The following ERICH1 variants were observed in gnomAD, a reference collection of about 807,000 sequenced individuals.
ERICH1 encodes glutamate rich 1.
ERICH1 carries 56 observed loss-of-function variants against 39.6 expected under a neutral mutation model. That is an observed-to-expected ratio of 1.41 (90% CI 1.14 to 1.77). The LOEUF is 1.77. ERICH1 is among the 40% of genes most tolerant of loss of function. ERICH1 has a pLI of 0.00. For missense variants in ERICH1, 826 were observed against 575.4 expected (o/e 1.44, Z -4.45); for synonymous variants, 313 against 223.6 (o/e 1.40, Z -3.57).
intron 4 of ERICH1, 48 bp downstream of exon 4, chr8:673,240 AC>A: frequency 1.3e-6 from 2 of 1,523,360 alleles, no homozygotes; most frequent in Non-Finnish European, 1.8e-6. Context: ...CTTTTAATAA[AC>A]TTTTAAGTGG....
intron 3 of ERICH1, among the ~76,000 whole-genome samples, chr8:639,095 C>G (rs1300516051): frequency 6.6e-6 from 1 of 152,182 alleles, no homozygotes; most frequent in Non-Finnish European, 1.5e-5. Context: ...ATGAATGTCC[C>G]CAGCGTGGCC....
chr8:728,834 A>G (rs1281248382), intron 1 of ERICH1, among the ~76,000 whole-genome samples: 5 of 152,204 alleles, frequency 3.3e-5, no homozygotes, highest in African/African-American at 1.2e-4. Flanking sequence ...CATTCTTCTC[A>G]TTAATCCTGC....
chr8:668,669 A>G lies in ERICH1; in HGVS notation c.1187T>C (p.Leu396Pro). 2.5e-6 allele frequency: 4 copies of G among 1,614,206 alleles called. No individual in the cohort carries two copies. The highest frequency in any genetic ancestry group is 3.4e-6 in the Non-Finnish European group (4 of 1,180,042). ...CAATCTCTCAGTATCTTGCAGGAGCAGCAGCGTTTTCATGTGGTACAGGAT... is the reference window on the plus strand; with the variant it reads ...CAATCTCTCAGTATCTTGCAGGAGCGGCAGCGTTTTCATGTGGTACAGGAT... ...VSILYHMKTLLLLQDTERLKH... is the reference protein window; with the variant it reads ...VSILYHMKTLPLLQDTERLKH... Residue 396 changes from leucine (L) to proline (P), a missense_variant, in exon 5 of 6, where the codon CTG (leucine) becomes CCG (proline). Coordinates refer to ENST00000262109, the MANE Select transcript of ERICH1 (RefSeq NM_207332.3).
rs1230633180 is a variant in ERICH1 at position 699,939 on chromosome 8, CCG to C, written c.170-7329_170-7328del. Among the ~76,000 whole-genome samples the C allele has an allele frequency of 6.1e-5, 8 of 131,802 alleles. No individual in the cohort carries two copies. In the East Asian group the frequency reaches 7.5e-4, roughly 12 times the overall value. 86.5% of individuals were successfully genotyped at this position (131,802 alleles called of 152,430 possible). ...CACAGGCCCGCACAGGCGCACAGAC[CCG>C]CACACGCGCACAGGCCCGCACACGC... On this transcript the variant is annotated intron_variant, in intron 2 of 5. Transcript: ENST00000262109.
At position 639,688 on chromosome 8, in the gene ERICH1, G is replaced by A. The variant is rs1371789338; in HGVS notation, c.977-24404C>T. On this transcript the variant is annotated intron_variant, in intron 3 of 3. Transcript: ENST00000522706. ...AGCCACCAATCCAGTTAGCAGACAC[G>A]ACCAAGCACCCTGGATTCACAGCCA... Among the ~76,000 whole-genome samples, 10 of 125,998 alleles carry A rather than the reference G, an allele frequency of 7.9e-5. 1 individual carries two copies. The highest frequency in any genetic ancestry group is 2.8e-4 in the African/African-American group (9 of 32,158). 82.7% of individuals were successfully genotyped at this position (125,998 alleles called of 152,430 possible).
intron 3 of ERICH1, chr8:615,735 G>C (rs1584917944): frequency 1.3e-5 from 2 of 153,804 alleles, no homozygotes; most frequent in East Asian, 1.9e-4. Context: ...ACTCGAGTGA[G>C]AATTGAGTGG....
chr8:676,661 G>C lies in ERICH1; in HGVS notation c.305-2614C>G, dbSNP rs1024746491. On this transcript the variant is annotated intron_variant, in intron 3 of 5. Transcript: ENST00000262109. Reference sequence around the variant, plus strand: ...AGACGGCACATGGCGCACACGCCCCGCCCCACACCCAAGCCCCGCCCAGAC... The same window carrying C: ...AGACGGCACATGGCGCACACGCCCCCCCCCACACCCAAGCCCCGCCCAGAC... 2.0e-5 allele frequency among the ~76,000 whole-genome samples: 3 copies of C among 152,150 alleles called. No individual in the cohort carries two copies. The East Asian group carries it at 5.8e-4, about 29-fold the overall frequency.
chr8:678,654 A>C lies in ERICH1; in HGVS notation c.305-4607T>G, dbSNP rs937217365. ...GAAACCCAGTCTCTACTAAAAATAC[A>C]AAAATTAGCCAGGCATGGTGGCAGG... On this transcript the variant is annotated intron_variant, in intron 3 of 5. Coordinates refer to ENST00000262109, the MANE Select transcript of ERICH1 (RefSeq NM_207332.3). 1.4e-4 allele frequency among the ~76,000 whole-genome samples: 21 copies of C among 152,232 alleles called. 1 individual carries two copies. In the South Asian group the frequency reaches 2.5e-3, roughly 18 times the overall value.
chr8:725,436 G>A (rs1405131796), intron 1 of ERICH1: 1 of 152,660 alleles, frequency 6.6e-6, no homozygotes, highest in African/African-American at 2.4e-5. Context: ...TGAGGCAGCA[G>A]CCCAGCAGGA....
intron 3 of ERICH1, among the ~76,000 whole-genome samples, chr8:646,249 G>A (rs1799477980): frequency 1.5e-5 from 1 of 68,042 alleles, no homozygotes; most frequent in South Asian, 5.8e-4. Context: ...CCACAAACTA[G>A]AGTGACTTTG....
At chr8:698,956 T>A (rs1243181236) in intron 2 of ERICH1, among the ~76,000 whole-genome samples, 2 of 150,670 alleles carry the variant, frequency 1.3e-5, no homozygotes, top group Non-Finnish European at 2.9e-5. Flanking sequence ...GCAGGGGAAC[T>A]GCAAGTGCCA....
At chr8:632,969 G>A (rs1307075710) in intron 3 of ERICH1, among the ~76,000 whole-genome samples, 2 of 152,350 alleles carry the variant, frequency 1.3e-5, no homozygotes, top group Non-Finnish European at 2.9e-5. Context: ...CATCAGCAGT[G>A]CCAGACAAAG....
intron 3 of ERICH1, among the ~76,000 whole-genome samples, chr8:654,226 G>C (rs527406651): frequency 8.5e-5 from 13 of 152,318 alleles, no homozygotes; most frequent in Non-Finnish European, 1.5e-5. Flanking sequence ...ATACGCCAAA[G>C]GCTTTAAGAC....
chr8:668,523 C>T (rs749861678), intron 5 of ERICH1, 75 bp downstream of exon 5: 23 of 1,507,418 alleles, frequency 1.5e-5, no homozygotes, highest in Admixed American at 6.7e-5. Context: ...GTTTTGGTGG[C>T]GTGTAAGTCT....
chr8:638,868 C>T (rs1236420473), intron 3 of ERICH1, among the ~76,000 whole-genome samples: 2 of 152,126 alleles, frequency 1.3e-5, no homozygotes, highest in Non-Finnish European at 2.9e-5. Context: ...TGTGCGCAAT[C>T]GCTGCTCAGT....
chr8:633,504 C>A (rs901012329), intron 3 of ERICH1, among the ~76,000 whole-genome samples: 1 of 152,168 alleles, frequency 6.6e-6, no homozygotes, highest in Non-Finnish European at 1.5e-5. Flanking sequence ...CTGGGAGAAT[C>A]TCAAGGATAT....
At chr8:710,792 G>A (rs1256941334) in intron 2 of ERICH1, among the ~76,000 whole-genome samples, 8 of 152,188 alleles carry the variant, frequency 5.3e-5, no homozygotes, top group Non-Finnish European at 1.0e-4. Flanking sequence ...GGACATCTTC[G>A]TTGCTTCCAA....
chr8:721,176 G>C (rs1415134488), intron 1 of ERICH1, among the ~76,000 whole-genome samples: 1 of 152,018 alleles, frequency 6.6e-6, no homozygotes, highest in African/African-American at 2.4e-5. Context: ...CAAATATCCA[G>C]GTATCTAAAA....
intron 3 of ERICH1, among the ~76,000 whole-genome samples, chr8:684,713 A>C (rs1463968695): frequency 6.6e-6 from 1 of 152,208 alleles, no homozygotes; most frequent in South Asian, 2.1e-4. Context: ...TGAGAAATAA[A>C]GGGAAAGAGT....
Sources: allele counts gnomAD v4.1 joint callset (sites outside exome capture counted in the v4.1 genomes callset), GRCh38; gene constraint gnomAD v4.1.1; transcripts MANE v1.5; gene names NCBI Gene and HGNC (gene_info 2026-07-23, HGNC 2026-07-21).